The following CLEC16A variants were observed in gnomAD, a reference collection of about 807,000 sequenced individuals.
CLEC16A encodes protein CLEC16A.
A neutral mutation model predicts 109.5 loss-of-function variants in CLEC16A; 51 were observed. The observed-to-expected ratio is 0.47, with a 90% CI of 0.37 to 0.59. The LOEUF (loss-of-function observed/expected upper bound fraction) is 0.59. CLEC16A is among the 20% of genes least tolerant of loss of function. CLEC16A has a pLI of 0.00. For synonymous variants in CLEC16A, 673 were observed against 564.2 expected, an observed-to-expected ratio of 1.19 and a Z score of -2.73; for missense variants, 1,339 against 1,394.0, an observed-to-expected ratio of 0.96 and a Z score of 0.63.
chr16:10,972,880 T>A, intron 6 of CLEC16A, 58 bp from the exon 7 acceptor site: 1 of 1,505,118 alleles, frequency 6.6e-7, no homozygotes, highest in Non-Finnish European at 8.9e-7. Flanking sequence ...TTTTTTTTAA[T>A]CTTCCCCAAG....
chr16:11,023,286 C>G (rs1472771562), intron 12 of CLEC16A, among the ~76,000 whole-genome samples: 1 of 152,134 alleles, frequency 6.6e-6, no homozygotes, highest in Non-Finnish European at 1.5e-5. Flanking sequence ...GATACTTCAT[C>G]TCATAAAAGA....
intron 13 of CLEC16A, chr16:11,027,213 C>A: frequency 7.0e-7 from 1 of 1,428,242 alleles, no homozygotes; most frequent in Non-Finnish European, 9.8e-7. Context: ...GCAGCAGAAA[C>A]CTGACAAGGT....
intron 19 of CLEC16A, among the ~76,000 whole-genome samples, chr16:11,101,229 G>T (rs185796190): frequency 6.6e-6 from 1 of 152,296 alleles, no homozygotes; most frequent in African/African-American, 2.4e-5. Flanking sequence ...TTCTCGCAGT[G>T]ATCTTCCTAG....
intron 6 of CLEC16A, 118 bp downstream of exon 6, chr16:10,972,677 C>T: frequency 1.0e-6 from 1 of 956,140 alleles, no homozygotes; most frequent in Non-Finnish European, 1.7e-6. Context: ...GATAAGTAGG[C>T]TCTCCCATGC....
intron 11 of CLEC16A, among the ~76,000 whole-genome samples, chr16:11,011,527 T>C (rs959783642): frequency 1.3e-5 from 2 of 152,210 alleles, no homozygotes; most frequent in Admixed American, 1.3e-4. Flanking sequence ...TGGCATAACA[T>C]GGTGTTCTGT....
chr16:11,160,546 A>G (rs1218094002), intron 22 of CLEC16A, among the ~76,000 whole-genome samples: 1 of 152,082 alleles, frequency 6.6e-6, no homozygotes, highest in African/African-American at 2.4e-5. Context: ...CCACACCTAG[A>G]TTCCACCCAG....
chr16:11,098,031 G>A (rs956468246), intron 19 of CLEC16A, among the ~76,000 whole-genome samples: 5 of 152,204 alleles, frequency 3.3e-5, no homozygotes, highest in Non-Finnish European at 7.3e-5. Flanking sequence ...GAGCTTTAAG[G>A]CGCCCGGTGC....
intron 2 of CLEC16A, among the ~76,000 whole-genome samples, chr16:10,958,667 G>C (rs2042106762): frequency 1.3e-5 from 2 of 152,200 alleles, no homozygotes; most frequent in South Asian, 4.1e-4. Context: ...ACTTTGGGAG[G>C]CTGAGGCAGG....
chr16:11,124,226 A>G (rs192250409), intron 21 of CLEC16A, among the ~76,000 whole-genome samples: 4 of 152,314 alleles, frequency 2.6e-5, no homozygotes, highest in African/African-American at 7.2e-5. Context: ...AGCCCTTCAC[A>G]CTGAAATTCT....
Position 11,047,290 on chromosome 16 carries a change from A to G in CLEC16A, c.1816-2A>G. ...CTCTTCCCTCCCTTCCTTTCTTTTT[A>G]GGGAGAAGACATTTTTTTGGACATG... On this transcript the variant is annotated splice_acceptor_variant, in intron 16 of 23. Coordinates refer to ENST00000409790, the MANE Select transcript of CLEC16A (RefSeq NM_015226.3). LOFTEE classifies it high-confidence loss of function. 1 of 1,608,600 alleles carries G rather than the reference A, an allele frequency of 6.2e-7. No individual in the cohort carries two copies. The highest frequency in any genetic ancestry group is 1.1e-5 in the South Asian group (1 of 90,186).
At chr16:11,152,852 T>A (rs1169924505) in intron 22 of CLEC16A, among the ~76,000 whole-genome samples, 1 of 152,142 alleles carries the variant, frequency 6.6e-6, no homozygotes, top group Non-Finnish European at 1.5e-5. Flanking sequence ...TGTCAATATT[T>A]GGGGCACTAA....
Position 11,178,294 on chromosome 16 carries a change from C to G in CLEC16A, c.2807-41C>G. On this transcript the variant is annotated intron_variant, in intron 23 of 23. Transcript: ENST00000409790. The surrounding 1 kb of genome is among the most constrained non-coding windows in gnomAD (Gnocchi z 6.5). ...CAGGGCGCAGTGCGACGGGGTGTCTCAAGGGCTCAGTGTGTTTCCGGTTTT... is the reference window on the plus strand; with the variant it reads ...CAGGGCGCAGTGCGACGGGGTGTCTGAAGGGCTCAGTGTGTTTCCGGTTTT... The G allele has an allele frequency of 1.3e-6, 2 of 1,547,064 alleles. No homozygotes were observed. Among genetic ancestry groups the G allele is most frequent in the Non-Finnish European group, 1.8e-6 (2 of 1,131,820 alleles).
At chr16:11,140,397 T>C (rs755334894) in intron 22 of CLEC16A, among the ~76,000 whole-genome samples, 1 of 152,236 alleles carries the variant, frequency 6.6e-6, no homozygotes, top group Non-Finnish European at 1.5e-5. Context: ...AGTTGACATT[T>C]ACAAAGTCTT....
Position 10,963,088 on chromosome 16 carries a change from A to G in CLEC16A, c.343+500A>G, listed in dbSNP as rs72770077. Among the ~76,000 whole-genome samples, 1,349 of 152,220 alleles carry G rather than the reference A, an allele frequency of 8.9e-3. 8 individuals carry two copies. Among genetic ancestry groups the G allele is most frequent in the South Asian group, 0.037 (180 of 4,826 alleles). Reference sequence around the variant, plus strand: ...CAACAAAAAAAAAAGTTCAAGATCAAGTTGCCAGCAGGGTTGGTTTCTAGT... The same window carrying G: ...CAACAAAAAAAAAAGTTCAAGATCAGGTTGCCAGCAGGGTTGGTTTCTAGT... On this transcript the variant is annotated intron_variant, in intron 3 of 23. Coordinates refer to ENST00000409790, the MANE Select transcript of CLEC16A (RefSeq NM_015226.3).
At chr16:11,169,070 C>T (rs1235477832) in intron 23 of CLEC16A, among the ~76,000 whole-genome samples, 1 of 152,220 alleles carries the variant, frequency 6.6e-6, no homozygotes, top group Non-Finnish European at 1.5e-5. Flanking sequence ...CTGCCTTCAG[C>T]CTGGACAGCA....
At chr16:11,096,852 T>C (rs1437514873) in intron 19 of CLEC16A, among the ~76,000 whole-genome samples, 1 of 152,204 alleles carries the variant, frequency 6.6e-6, no homozygotes, top group East Asian at 1.9e-4. Flanking sequence ...AAATGAAATT[T>C]TCCTTATAAA....
intron 19 of CLEC16A, among the ~76,000 whole-genome samples, chr16:11,100,476 C>G (rs2152983490): frequency 6.6e-6 from 1 of 152,318 alleles, no homozygotes; most frequent in South Asian, 2.1e-4. Context: ...CCCTTCTGGT[C>G]CAGATTTCAC....
chr16:11,131,648 T>TGAG (rs1467202493), intron 22 of CLEC16A, among the ~76,000 whole-genome samples: 2 of 152,112 alleles, frequency 1.3e-5, no homozygotes, highest in Non-Finnish European at 2.9e-5. Flanking sequence ...TCCCACCTGG[T>TGAG]TTACCATCAA....
intron 1 of CLEC16A, among the ~76,000 whole-genome samples, chr16:10,947,746 G>A (rs140804267): frequency 1.3e-5 from 2 of 152,228 alleles, no homozygotes; most frequent in African/African-American, 2.4e-5. Flanking sequence ...AGTATAAACT[G>A]GTCACCCTAC....
Sources: gnomAD v4.1 joint callset for allele counts (sites outside exome capture counted in the v4.1 genomes callset) on GRCh38, gnomAD v4.1.1 for gene constraint, Gnocchi (gnomAD v3.1) non-coding constraint, MANE v1.5 for transcripts, NCBI Gene and HGNC (gene_info 2026-07-23, HGNC 2026-07-21) for gene names.